Variants in DMRT1 observed in about 807,000 individuals in gnomAD.
DMRT1 encodes the protein doublesex and mab-3 related transcription factor 1, also known as doublesex- and mab-3-related transcription factor 1.
In DMRT1, 7 loss-of-function variants were observed where a neutral mutation model predicts 32.3. That is an observed-to-expected ratio of 0.22 (90% confidence interval 0.12 to 0.41). DMRT1 has a LOEUF of 0.41. Ranked by LOEUF, DMRT1 falls within the 10% of genes least tolerant of loss-of-function variation. DMRT1 has a pLI of 1.00. For missense variants in DMRT1, 625 were observed against 500.5 expected, an observed-to-expected ratio of 1.25 and a Z score of -2.37; for synonymous variants, 278 against 206.1, an observed-to-expected ratio of 1.35 and a Z score of -2.99.
intron 2 of DMRT1, among the ~76,000 whole-genome samples, chr9:878,325 G>T (rs1483178503): frequency 6.6e-6 from 1 of 151,800 alleles, no homozygotes; most frequent in Non-Finnish European, 1.5e-5. Context: ...TTGGAAAAGG[G>T]AAGGAATGGT....
intron 3 of DMRT1, among the ~76,000 whole-genome samples, chr9:895,476 A>G (rs1353088808): frequency 6.6e-6 from 1 of 152,208 alleles, no homozygotes; most frequent in Non-Finnish European, 1.5e-5. Flanking sequence ...GCAATGCCAC[A>G]TATATATTTG....
intron 2 of DMRT1, among the ~76,000 whole-genome samples, chr9:863,835 C>A (rs149085115): frequency 7.9e-5 from 12 of 152,150 alleles, no homozygotes; most frequent in Non-Finnish European, 2.9e-5. Context: ...TGTTTAAAGG[C>A]CATTTGTATT....
chr9:850,408 A>G (rs2132550587), intron 2 of DMRT1, among the ~76,000 whole-genome samples: 1 of 152,324 alleles, frequency 6.6e-6, no homozygotes, highest in South Asian at 2.1e-4. Context: ...CTTCCTACTA[A>G]CAAATATATA....
At chr9:928,939 G>T (rs1818620162) in intron 4 of DMRT1, among the ~76,000 whole-genome samples, 1 of 151,790 alleles carries the variant, frequency 6.6e-6, no homozygotes, top group Non-Finnish European at 1.5e-5. Context: ...CCAGATTCAA[G>T]AGATTCTTGT....
At chr9:891,444 C>G (rs1817146274) in intron 2 of DMRT1, among the ~76,000 whole-genome samples, 1 of 151,480 alleles carries the variant, frequency 6.6e-6, no homozygotes, top group African/African-American at 2.4e-5. Context: ...GAGTGAGACC[C>G]TGTCTCAAAT....
intron 2 of DMRT1, among the ~76,000 whole-genome samples, chr9:865,115 T>C (rs1815921683): frequency 6.6e-6 from 1 of 152,234 alleles, no homozygotes. Context: ...ATGAGCATTG[T>C]CATTATTCCT....
rs544060601 is a variant in DMRT1, at chr9:960,609, G to T, written c.968-7376G>T. 1.8e-3 allele frequency among the ~76,000 whole-genome samples: 267 copies of T among 152,334 alleles called. 1 individual carries two copies. Among genetic ancestry groups the T allele is most frequent in the African/African-American group, 6.3e-3 (260 of 41,588 alleles). The stretch of plus-strand genomic sequence containing the variant: ...ACAGGGTGTTTATTGAGGTGCCAGT[G>T]TGGATGGCAGAGCTCCTGGTCTTTC... On this transcript the variant is annotated intron_variant, in intron 4 of 4. Coordinates refer to ENST00000382276, the MANE Select transcript of DMRT1 (RefSeq NM_021951.3).
intron 4 of DMRT1, among the ~76,000 whole-genome samples, chr9:954,836 T>C (rs764515215): frequency 6.6e-6 from 1 of 152,008 alleles, no homozygotes; most frequent in Non-Finnish European, 1.5e-5. Flanking sequence ...GAGACAGGGT[T>C]TCACCATGTT....
At chr9:929,888 C>T (rs1226771520) in intron 4 of DMRT1, among the ~76,000 whole-genome samples, 1 of 152,082 alleles carries the variant, frequency 6.6e-6, no homozygotes, top group East Asian at 1.9e-4. Flanking sequence ...GGGAGATGAA[C>T]CATGAGAGAA....
At chr9:921,061 G>A (rs1818337333) in intron 4 of DMRT1, among the ~76,000 whole-genome samples, 1 of 152,210 alleles carries the variant, frequency 6.6e-6, no homozygotes, top group East Asian at 1.9e-4. Context: ...TAATTAAAGT[G>A]TACAATTCAG....
At chr9:947,643 A>T (rs1371941368) in intron 4 of DMRT1, among the ~76,000 whole-genome samples, 1 of 152,042 alleles carries the variant, frequency 6.6e-6, no homozygotes, top group African/African-American at 2.4e-5. Context: ...TATTTTTTTG[A>T]GACAGAGTCT....
intron 3 of DMRT1, among the ~76,000 whole-genome samples, chr9:913,271 C>A (rs915681172): frequency 1.3e-5 from 2 of 152,134 alleles, no homozygotes; most frequent in Non-Finnish European, 2.9e-5. Flanking sequence ...GTAGATGTGA[C>A]AAACTCAGCC....
At chr9:880,497 T>C (rs968026855) in intron 2 of DMRT1, among the ~76,000 whole-genome samples, 1 of 151,408 alleles carries the variant, frequency 6.6e-6, no homozygotes, top group Non-Finnish European at 1.5e-5. Context: ...GAGGCTGAGG[T>C]GGGCGGATCA....
chr9:880,370 CAT>C (rs1816682793), intron 2 of DMRT1, among the ~76,000 whole-genome samples: 1 of 152,192 alleles, frequency 6.6e-6, no homozygotes, highest in Admixed American at 6.5e-5. Flanking sequence ...ATCAACATAA[CAT>C]TTTTTTAAAG....
At chr9:932,998 C>T (rs1203154555) in intron 4 of DMRT1, among the ~76,000 whole-genome samples, 2 of 152,090 alleles carry the variant, frequency 1.3e-5, no homozygotes, top group South Asian at 4.2e-4. Flanking sequence ...CTGCAACCTC[C>T]GTCTCCCGGG....
intron 3 of DMRT1, among the ~76,000 whole-genome samples, chr9:916,007 A>G (rs1818167520): frequency 6.6e-6 from 1 of 152,324 alleles, no homozygotes; most frequent in East Asian, 1.9e-4. Flanking sequence ...TGCTGGGATT[A>G]CAGACGTGAG....
At chr9:870,482 C>G (rs540422464) in intron 2 of DMRT1, among the ~76,000 whole-genome samples, 1 of 152,046 alleles carries the variant, frequency 6.6e-6, no homozygotes, top group African/African-American at 2.4e-5. Flanking sequence ...GAGTCCGTCC[C>G]GTGACAGCAT....
At chr9:900,210 A>G (rs955871132) in intron 3 of DMRT1, among the ~76,000 whole-genome samples, 6 of 151,512 alleles carry the variant, frequency 4.0e-5, no homozygotes, top group Non-Finnish European at 8.8e-5. Context: ...AGCTTGAAGC[A>G]CAGAAAAAAG....
At chr9:947,267 T>G (rs191318979) in intron 4 of DMRT1, among the ~76,000 whole-genome samples, 1 of 152,362 alleles carries the variant, frequency 6.6e-6, no homozygotes, top group East Asian at 1.9e-4. Context: ...TTTGGGATTT[T>G]TTTTAAAGCT....
Sources: gnomAD v4.1 joint callset for allele counts (sites outside exome capture counted in the v4.1 genomes callset) on GRCh38, gnomAD v4.1.1 for gene constraint, MANE v1.5 for transcripts, NCBI Gene and HGNC (gene_info 2026-07-23, HGNC 2026-07-21) for gene names.